The following DENND1B variants were observed in gnomAD, a reference collection of about 807,000 sequenced individuals.
The protein encoded by DENND1B is DENN domain containing 1B, also known as DENN domain-containing protein 1B.
DENND1B carries 59 observed loss-of-function variants against 90.1 expected under a neutral mutation model. The observed-to-expected ratio is 0.65, with a 90% CI of 0.53 to 0.81. The LOEUF (loss-of-function observed/expected upper bound fraction) is 0.81, where lower values mean the gene tolerates loss of function less well. DENND1B is among the 40% of genes least tolerant of loss of function. DENND1B has a pLI of 0.00. For synonymous variants in DENND1B, 337 were observed against 324.6 expected, an observed-to-expected ratio of 1.04 and a Z score of -0.41; for missense variants, 862 against 912.6, an observed-to-expected ratio of 0.94 and a Z score of 0.71.
chr1:197,713,763 T>C (rs1324724965), intron 3 of DENND1B, among the ~76,000 whole-genome samples: 1 of 60,522 alleles, frequency 1.7e-5, no homozygotes. Context: ...AAAAAATAAT[T>C]ATATTATATT....
chr1:197,566,887 T>C (rs1278625615), intron 15 of DENND1B, among the ~76,000 whole-genome samples: 1 of 151,972 alleles, frequency 6.6e-6, no homozygotes, highest in Non-Finnish European at 1.5e-5. Flanking sequence ...GGAGAGAGGA[T>C]ATTCAAAGCA....
At chr1:197,524,102 A>G (rs1254214712) in intron 20 of DENND1B, among the ~76,000 whole-genome samples, 1 of 152,138 alleles carries the variant, frequency 6.6e-6, no homozygotes, top group Non-Finnish European at 1.5e-5. Flanking sequence ...AAGGAAGAAG[A>G]GAGCAGGAAA....
chr1:197,736,105 G>A, intron 2 of DENND1B: 1 of 717,560 alleles, frequency 1.4e-6, no homozygotes, highest in Non-Finnish European at 2.4e-6. Context: ...GGTGGAAAAC[G>A]CTAAACTGGC....
At chr1:197,671,374 G>C (rs1655488476) in intron 5 of DENND1B, among the ~76,000 whole-genome samples, 1 of 152,098 alleles carries the variant, frequency 6.6e-6, no homozygotes, top group Non-Finnish European at 1.5e-5. Flanking sequence ...ACTACCTACT[G>C]AATCAAGGCA....
intron 6 of DENND1B, among the ~76,000 whole-genome samples, chr1:197,654,665 C>T (rs561372767): frequency 6.7e-4 from 101 of 151,786 alleles, no homozygotes; most frequent in Middle Eastern, 6.8e-3. Flanking sequence ...AACCACATTG[C>T]CAAAAGTCCA....
At chr1:197,718,402 A>AAAG (rs1292565080) in intron 2 of DENND1B, among the ~76,000 whole-genome samples, 1 of 151,616 alleles carries the variant, frequency 6.6e-6, no homozygotes, top group African/African-American at 2.4e-5. Context: ...AAAAAAAAAA[A>AAAG]AAAAGTTCCT....
chr1:197,545,787 G>T, intron 18 of DENND1B, 135 bp downstream of exon 18: 1 of 700,272 alleles, frequency 1.4e-6, no homozygotes, highest in Non-Finnish European at 2.3e-6. Flanking sequence ...ATTTGCTTTG[G>T]TCAATATTAA....
chr1:197,700,422 G>C (rs1658905473), intron 3 of DENND1B, among the ~76,000 whole-genome samples: 1 of 152,140 alleles, frequency 6.6e-6, no homozygotes, highest in South Asian at 2.1e-4. Flanking sequence ...GCAGAAAACT[G>C]AAACTGGACC....
chr1:197,549,550 T>A (rs1210793304), intron 16 of DENND1B, among the ~76,000 whole-genome samples: 1 of 152,070 alleles, frequency 6.6e-6, no homozygotes, highest in East Asian at 1.9e-4. Context: ...ACTAGTTTTA[T>A]TTTAAATGAA....
At position 197,568,182 on chromosome 1, in the gene DENND1B, G is replaced by A. The variant is rs557521212; in HGVS notation, c.1149+14970C>T. Among the ~76,000 whole-genome samples the A allele has an allele frequency of 5.9e-5, 9 of 152,054 alleles. No individual in the cohort carries two copies. In the South Asian group the frequency reaches 8.3e-4, roughly 14 times the overall value. ...TAATGTAGCAAGATACACAATCAAC[G>A]TATTAAAAAGTAGCATTTGTATACA... On this transcript the variant is annotated intron_variant, in intron 15 of 22. Transcript: ENST00000620048.
chr1:197,602,921 C>A (rs1676334995), intron 13 of DENND1B, among the ~76,000 whole-genome samples: 1 of 151,200 alleles, frequency 6.6e-6, no homozygotes, highest in Non-Finnish European at 1.5e-5. Flanking sequence ...TTTTTTATCA[C>A]AATAAAACCA....
At position 197,723,660 on chromosome 1, in the gene DENND1B, T is replaced by C. The variant is rs952090185; in HGVS notation, c.83-8586A>G. The stretch of plus-strand genomic sequence containing the variant: ...ATGATCTGTCATACAGAACCTAATA[T>C]ACCTTTGAGTCAGCTAAGATCTTAA... On this transcript the variant is annotated intron_variant, in intron 2 of 22. Transcript: ENST00000620048. Among the ~76,000 whole-genome samples, 3 of 152,276 alleles carry C rather than the reference T, an allele frequency of 2.0e-5. No homozygotes were observed. The East Asian group carries it at 5.8e-4, about 29-fold the overall frequency.
chr1:197,720,137 C>T (rs561494481), intron 2 of DENND1B, among the ~76,000 whole-genome samples: 17 of 152,120 alleles, frequency 1.1e-4, no homozygotes, highest in African/African-American at 3.9e-4. Flanking sequence ...CCTTTTTTGA[C>T]GTGTGCTATT....
At chr1:197,713,822 A>G (rs1156929359) in intron 3 of DENND1B, among the ~76,000 whole-genome samples, 1 of 65,092 alleles carries the variant, frequency 1.5e-5, no homozygotes. Flanking sequence ...TATATATAAT[A>G]TATTATATAT....
chr1:197,522,511 C>A (rs1668847149), intron 20 of DENND1B, among the ~76,000 whole-genome samples: 1 of 152,088 alleles, frequency 6.6e-6, no homozygotes, highest in Admixed American at 6.6e-5. Flanking sequence ...ACTCAACTGT[C>A]ATCTGATATA....
rs145361810 is a variant in DENND1B, at chr1:197,731,565, A to G, written c.83-16491T>C. Among the ~76,000 whole-genome samples, 602 of 152,274 alleles carry G rather than the reference A, an allele frequency of 4.0e-3. 3 individuals are homozygous for G. Among genetic ancestry groups the G allele is most frequent in the African/African-American group, 0.014 (575 of 41,552 alleles). ...GTTACGTGGCTGGATACTGAAGTCA[A>G]ACTTCATATAGACATGCCATGCATT... is the stretch of plus-strand genomic sequence containing the variant. On this transcript the variant is annotated intron_variant, in intron 2 of 22. Coordinates refer to ENST00000620048, the MANE Select transcript of DENND1B (RefSeq NM_001195215.2).
At chr1:197,567,389 G>A (rs1672767463) in intron 15 of DENND1B, among the ~76,000 whole-genome samples, 1 of 152,046 alleles carries the variant, frequency 6.6e-6, no homozygotes, top group South Asian at 2.1e-4. Flanking sequence ...CCCCAGACCT[G>A]ATGACTCCAC....
chr1:197,591,849 G>C (rs767632104), intron 14 of DENND1B, among the ~76,000 whole-genome samples: 1 of 151,924 alleles, frequency 6.6e-6, no homozygotes, highest in Non-Finnish European at 1.5e-5. Context: ...GGTAGCTCAC[G>C]CCTGTAATCC....
chr1:197,713,796 T>TATTATAA (rs1660236304), intron 3 of DENND1B, among the ~76,000 whole-genome samples: 3 of 56,528 alleles, frequency 5.3e-5, no homozygotes, highest in East Asian at 5.3e-4. Flanking sequence ...TATAATATTA[T>TATTATAA]TATATTATAA....
Sources: gnomAD v4.1 joint callset for allele counts (sites outside exome capture counted in the v4.1 genomes callset) on GRCh38, gnomAD v4.1.1 for gene constraint, MANE v1.5 for transcripts, NCBI Gene and HGNC (gene_info 2026-07-23, HGNC 2026-07-21) for gene names.